LIPJ: variants seen among roughly 807,000 people sequenced by gnomAD.
The protein encoded by LIPJ is lipase member J.
A neutral mutation model predicts 39.8 loss-of-function variants in LIPJ; 33 were observed. The observed-to-expected ratio is 0.83, with a 90% CI of 0.63 to 1.11. LIPJ has a LOEUF of 1.11. LIPJ is among the 50% of genes least tolerant of loss of function. The pLI is 0.00. For synonymous variants in LIPJ, 128 were observed against 139.2 expected, an observed-to-expected ratio of 0.92 and a Z score of 0.57; for missense variants, 422 against 427.9, an observed-to-expected ratio of 0.99 and a Z score of 0.12.
intron 9 of LIPJ, 67 bp downstream of exon 9, chr10:88,602,714 T>A: frequency 1.1e-6 from 1 of 931,402 alleles, no homozygotes; most frequent in Non-Finnish European, 1.7e-6. Flanking sequence ...CTCATTATTC[T>A]AGGGATCATA....
At chr10:88,599,232 A>C (rs1851378848) in intron 8 of LIPJ, among the ~76,000 whole-genome samples, 2 of 151,768 alleles carry the variant, frequency 1.3e-5, no homozygotes, top group Non-Finnish European at 2.9e-5. Context: ...GCCACAATCA[A>C]GTTTAACACA....
downstream of LIPJ, among the ~76,000 whole-genome samples, chr10:88,607,612 A>G (rs577004046): frequency 1.3e-5 from 2 of 152,316 alleles, no homozygotes; most frequent in East Asian, 3.9e-4. Flanking sequence ...TATAAGATCC[A>G]AGAATTTCTT....
downstream of LIPJ, among the ~76,000 whole-genome samples, chr10:88,608,397 T>C (rs1164794115): frequency 2.0e-5 from 3 of 152,232 alleles, no homozygotes; most frequent in South Asian, 4.1e-4. Flanking sequence ...CTCACAGTTT[T>C]GCTGTGAACC....
chr10:88,599,084 G>C (rs923357709), intron 8 of LIPJ, among the ~76,000 whole-genome samples: 1 of 149,652 alleles, frequency 6.7e-6, no homozygotes, highest in East Asian at 1.9e-4. Flanking sequence ...AAAAATTTCT[G>C]TACAGGCTAT....
upstream of LIPJ, among the ~76,000 whole-genome samples, chr10:88,585,114 G>A (rs868446681): frequency 1.4e-4 from 22 of 152,148 alleles, no homozygotes; most frequent in African/African-American, 4.8e-4. Flanking sequence ...CGTCAATCTG[G>A]AAAGTACATT....
chr10:88,596,965 A>C, intron 8 of LIPJ, 29 bp downstream of exon 8: 1 of 1,215,838 alleles, frequency 8.2e-7, no homozygotes, highest in Non-Finnish European at 1.2e-6. Context: ...TGAAATATAT[A>C]TATTTTCCAA....
chr10:88,608,790 C>T (rs574571784), downstream of LIPJ, among the ~76,000 whole-genome samples: 7 of 152,238 alleles, frequency 4.6e-5, no homozygotes, highest in South Asian at 2.1e-4. Context: ...CTAAGGACTT[C>T]CTAGAACTAA....
At position 88,596,747 on chromosome 10, in the gene LIPJ, A is replaced by T. The variant is rs1002861306; in HGVS notation, c.577-43A>T. The T allele has an allele frequency of 4.7e-6, 7 of 1,493,812 alleles. No individual in the cohort carries two copies. In the African/African-American group the frequency reaches 9.9e-5, roughly 21 times the overall value. The allele number at this position is 1,493,812 out of a possible 1,614,324, so 92.5% of individuals were successfully genotyped here. On this transcript the variant is annotated intron_variant, in intron 7 of 10. Coordinates refer to ENST00000371939, the Ensembl canonical transcript of LIPJ. ...TTACCACAACATTTCTTTAGCACTT[A>T]TTGTGGTCATCCAAATGTGGATAAA... is the stretch of plus-strand genomic sequence containing the variant.
the LIPJ span, among the ~76,000 whole-genome samples, chr10:88,617,808 G>T: frequency 6.6e-6 from 1 of 152,090 alleles, no homozygotes; most frequent in East Asian, 1.9e-4. Context: ...AGGAAGAAAT[G>T]GGAACAGCTT....
At chr10:88,591,536 G>T (rs1851080069) in intron 4 of LIPJ, 38 bp downstream of exon 4, 2 of 1,553,976 alleles carry the variant, frequency 1.3e-6, no homozygotes, top group African/African-American at 2.8e-5. Context: ...GACAATCTGG[G>T]GCCTGAAGTT....
chr10:88,610,284 T>A (rs1851732670), downstream of LIPJ, among the ~76,000 whole-genome samples: 1 of 152,190 alleles, frequency 6.6e-6, no homozygotes, highest in African/African-American at 2.4e-5. Flanking sequence ...CTAGAAATAA[T>A]GATATAATTT....
intron 8 of LIPJ, among the ~76,000 whole-genome samples, chr10:88,598,911 T>C (rs1851350400): frequency 6.8e-6 from 1 of 146,884 alleles, no homozygotes; most frequent in Non-Finnish European, 1.5e-5. Flanking sequence ...TAAATTTATA[T>C]AATTTAATTA....
At chr10:88,620,620 T>C in the LIPJ span, among the ~76,000 whole-genome samples, 2 of 152,114 alleles carry the variant, frequency 1.3e-5, no homozygotes, top group African/African-American at 4.8e-5. Context: ...TTAGAATGGC[T>C]GAAAAAAAAT....
chr10:88,604,785 GGAAA>G (rs1851606903), intron 9 of LIPJ, among the ~76,000 whole-genome samples: 1 of 152,090 alleles, frequency 6.6e-6, no homozygotes, highest in Non-Finnish European at 1.5e-5. Flanking sequence ...CTAGAATTTA[GGAAA>G]GACTTATAAA....
At chr10:88,613,796 A>G in the LIPJ span, among the ~76,000 whole-genome samples, 3,603 of 51,472 alleles carry the variant, frequency 0.07, 212 homozygotes, top group African/African-American at 0.21. Context: ...ATATATATAT[A>G]TATATGTGTG....
At chr10:88,583,198 G>A (rs765055164), upstream of LIPJ, 4 of 1,613,568 alleles carry the variant, frequency 2.5e-6, no homozygotes, top group African/African-American at 2.7e-5. Context: ...CATGGCGAGA[G>A]GGAGCAGCGA....
the LIPJ span, among the ~76,000 whole-genome samples, chr10:88,620,125 G>A: frequency 6.6e-6 from 1 of 151,986 alleles, no homozygotes; most frequent in Non-Finnish European, 1.5e-5. Flanking sequence ...TAAATTGAGG[G>A]ACCTTCGGCA....
intron 8 of LIPJ, among the ~76,000 whole-genome samples, chr10:88,599,128 A>C (rs1047651484): frequency 4.0e-5 from 6 of 151,146 alleles, no homozygotes; most frequent in Non-Finnish European, 8.9e-5. Flanking sequence ...TATTTTTGAC[A>C]GTTTCAAGTA....
chr10:88,596,409 T>C (rs745309622), exon 7 of LIPJ: 3 of 1,528,876 alleles, frequency 2.0e-6, no homozygotes, highest in Non-Finnish European at 2.6e-6. Flanking sequence ...TGGAAGTCAA[T>C]AGTCATGGTA....
Sources: gnomAD v4.1 joint callset for allele counts (sites outside exome capture counted in the v4.1 genomes callset) on GRCh38, gnomAD v4.1.1 for gene constraint, MANE v1.5 for transcripts, NCBI Gene and HGNC (gene_info 2026-07-23, HGNC 2026-07-21) for gene names.